The following IGFL2 variants were observed in gnomAD, a reference collection of about 807,000 sequenced individuals.
The protein encoded by IGFL2 is insulin growth factor-like family member 2.
IGFL2 carries 7 observed loss-of-function variants against 13.9 expected under a neutral mutation model. The ratio of observed to expected loss-of-function variants is 0.51; its 90% CI spans 0.29 to 0.95. The LOEUF is 0.95. Ranked by LOEUF, IGFL2 falls within the 40% of genes least tolerant of loss-of-function variation. The pLI, the probability that IGFL2 is intolerant of heterozygous loss-of-function variation, is 0.08. For synonymous variants in IGFL2, 55 were observed against 55.8 expected (o/e 0.99, Z 0.07); for missense variants, 138 against 147.8 (o/e 0.93, Z 0.34).
the IGFL2 span, among the ~76,000 whole-genome samples, chr19:46,125,701 C>T: frequency 3.9e-5 from 6 of 152,096 alleles, no homozygotes; most frequent in South Asian, 2.1e-4. Flanking sequence ...TGTACATGTG[C>T]GGAGGTGTGG....
At chr19:46,214,986 C>A in the IGFL2 span, 1 of 152,006 alleles carries the variant, frequency 6.6e-6, no homozygotes, top group Non-Finnish European at 1.5e-5. Flanking sequence ...CTTATCCTGA[C>A]TGTGATCTTG....
At chr19:46,089,193 A>G in the IGFL2 span, among the ~76,000 whole-genome samples, 1 of 152,174 alleles carries the variant, frequency 6.6e-6, no homozygotes, top group Non-Finnish European at 1.5e-5. Context: ...TATAGTTACA[A>G]GAAAACCTTA....
chr19:46,107,091 G>A, the IGFL2 span, among the ~76,000 whole-genome samples: 1 of 152,278 alleles, frequency 6.6e-6, no homozygotes, highest in East Asian at 1.9e-4. Context: ...TGTCCAAGTT[G>A]GCACCAGAGT....
chr19:46,124,168 C>T, the IGFL2 span: 1 of 1,610,308 alleles, frequency 6.2e-7, no homozygotes, highest in Admixed American at 1.7e-5. Context: ...TGGGGGCAGA[C>T]ATTGATGGTG....
At chr19:46,102,935 G>A in the IGFL2 span, among the ~76,000 whole-genome samples, 9 of 152,166 alleles carry the variant, frequency 5.9e-5, no homozygotes, top group South Asian at 1.7e-3. Flanking sequence ...AGATTTTGGG[G>A]TAAGGGGTGA....
the IGFL2 span, among the ~76,000 whole-genome samples, chr19:46,128,963 C>A: frequency 1.3e-5 from 2 of 152,124 alleles, no homozygotes; most frequent in African/African-American, 2.4e-5. Flanking sequence ...AACTGTGAAT[C>A]CATCTGGTCT....
chr19:46,204,322 G>GC, the IGFL2 span: 7 of 59,970 alleles, frequency 1.2e-4, no homozygotes, highest in African/African-American at 2.5e-4. Flanking sequence ...GCCTGGGACT[G>GC]GGGGGGGTTG....
chr19:46,113,747 G>T, the IGFL2 span: 1 of 168,922 alleles, frequency 5.9e-6, no homozygotes, highest in Non-Finnish European at 1.3e-5. Flanking sequence ...GTAAGTTAGA[G>T]CCCTGAACTA....
chr19:46,207,581 C>T, the IGFL2 span: 1 of 152,184 alleles, frequency 6.6e-6, no homozygotes, highest in Non-Finnish European at 1.5e-5. Context: ...GGGGTTTCGT[C>T]ATGTTGGCCA....
chr19:46,102,412 G>A, the IGFL2 span, among the ~76,000 whole-genome samples: 1 of 152,206 alleles, frequency 6.6e-6, no homozygotes, highest in Non-Finnish European at 1.5e-5. Flanking sequence ...ATATTCTCAA[G>A]GATGTGGAGA....
chr19:46,142,547 C>T (rs1271682146), upstream of IGFL2, among the ~76,000 whole-genome samples: 1 of 152,152 alleles, frequency 6.6e-6, no homozygotes, highest in African/African-American at 2.4e-5. Flanking sequence ...AAACAATGCA[C>T]TGTGATGTAA....
At chr19:46,139,938 T>TCACACACA (rs144249757), upstream of IGFL2, among the ~76,000 whole-genome samples, 25 of 150,410 alleles carry the variant, frequency 1.7e-4, no homozygotes, top group Middle Eastern at 3.4e-3. Context: ...TTTCACGCAC[T>TCACACACA]CACACACACA....
At chr19:46,083,488 A>G in the IGFL2 span, among the ~76,000 whole-genome samples, 1 of 152,198 alleles carries the variant, frequency 6.6e-6, no homozygotes, top group Non-Finnish European at 1.5e-5. Context: ...AAATTCAGAC[A>G]CTATGTTGTA....
chr19:46,134,369 A>G, the IGFL2 span, among the ~76,000 whole-genome samples: 2 of 152,152 alleles, frequency 1.3e-5, no homozygotes, highest in South Asian at 2.1e-4. Flanking sequence ...GGAGGGGGAT[A>G]GTTTCAGGAT....
upstream of IGFL2, among the ~76,000 whole-genome samples, chr19:46,145,287 T>G (rs143009243): frequency 4.9e-3 from 748 of 152,266 alleles, 4 homozygotes; most frequent in African/African-American, 0.017. Context: ...TAGCACTTGG[T>G]ATTGTCGATA....
At chr19:46,211,891 C>T in the IGFL2 span, among the ~76,000 whole-genome samples, 1 of 152,066 alleles carries the variant, frequency 6.6e-6, no homozygotes, top group African/African-American at 2.4e-5. Flanking sequence ...GCATTTCCTG[C>T]TGTCAGCAGC....
At chr19:46,092,496 G>T in the IGFL2 span, among the ~76,000 whole-genome samples, 1 of 152,052 alleles carries the variant, frequency 6.6e-6, no homozygotes, top group Non-Finnish European at 1.5e-5. Flanking sequence ...GCTGGGCTTG[G>T]TGATGTGCGC....
the IGFL2 span, among the ~76,000 whole-genome samples, chr19:46,179,702 G>A: frequency 6.6e-6 from 1 of 152,242 alleles, no homozygotes; most frequent in South Asian, 2.1e-4. Flanking sequence ...CACGAGGGGA[G>A]GTCAGGAGTT....
chr19:46,170,667 G>A, the IGFL2 span, among the ~76,000 whole-genome samples: 1 of 152,116 alleles, frequency 6.6e-6, no homozygotes, highest in Admixed American at 6.5e-5. Context: ...TAACAGCCCT[G>A]GGAAAATAAT....
Sources: gnomAD v4.1 joint callset for allele counts (sites outside exome capture counted in the v4.1 genomes callset) on GRCh38, gnomAD v4.1.1 for gene constraint, MANE v1.5 for transcripts, NCBI Gene and HGNC (gene_info 2026-07-23, HGNC 2026-07-21) for gene names.